Variants in IFT27 observed in about 807,000 individuals in gnomAD.
IFT27 encodes intraflagellar transport 27, also known as intraflagellar transport protein 27 homolog.
In IFT27, 19 loss-of-function variants were observed where a neutral mutation model predicts 23.9. The ratio of observed to expected loss-of-function variants is 0.79; its 90% CI spans 0.55 to 1.16. The LOEUF (loss-of-function observed/expected upper bound fraction) is 1.16, where lower values mean the gene tolerates loss of function less well. IFT27 is among the 50% of genes most tolerant of loss of function. The probability of loss-of-function intolerance (pLI) is 0.00; values close to 1 mark genes in which losing one functional copy is unlikely to be tolerated. For missense variants in IFT27, 206 were observed against 228.7 expected (o/e 0.90, Z 0.64); for synonymous variants, 91 against 89.1 (o/e 1.02, Z -0.12).
chr22:36,773,359 C>CAA (rs200264786), intron 1 of IFT27, among the ~76,000 whole-genome samples: 19 of 135,980 alleles, frequency 1.4e-4, no homozygotes, highest in African/African-American at 5.2e-4. Flanking sequence ...AATTACGCCT[C>CAA]AAAAAAAAAG....
chr22:36,768,747 A>G (rs1360436894), intron 1 of IFT27, among the ~76,000 whole-genome samples: 2 of 151,990 alleles, frequency 1.3e-5, no homozygotes, highest in Admixed American at 1.3e-4. Context: ...TTTCCCTCTC[A>G]TGGCTCTGCT....
chr22:36,771,858 A>C (rs1316164725), intron 1 of IFT27, among the ~76,000 whole-genome samples: 1 of 152,088 alleles, frequency 6.6e-6, no homozygotes, highest in Non-Finnish European at 1.5e-5. Context: ...CCCATGACAC[A>C]GTGCCTCCAT....
At chr22:36,773,078 G>A (rs866271343) in intron 1 of IFT27, among the ~76,000 whole-genome samples, 4 of 152,338 alleles carry the variant, frequency 2.6e-5, no homozygotes, top group Admixed American at 6.5e-5. Flanking sequence ...CAAAGAGGCC[G>A]GGCATAGTGG....
intron 1 of IFT27, chr22:36,772,600 T>C: frequency 2.0e-6 from 2 of 985,436 alleles, no homozygotes; most frequent in Non-Finnish European, 2.4e-6. Flanking sequence ...ATTCACTTTG[T>C]GTTCGCTGTG....
chr22:36,775,222 C>A (rs16997300), intron 1 of IFT27, among the ~76,000 whole-genome samples: 1 of 150,110 alleles, frequency 6.7e-6, no homozygotes, highest in African/African-American at 2.5e-5. Flanking sequence ...CTGGTCACTA[C>A]ACTCAGGTCA....
chr22:36,762,660 T>C (rs1214122388), intron 6 of IFT27: 1 of 373,914 alleles, frequency 2.7e-6, no homozygotes, highest in East Asian at 4.0e-5. Flanking sequence ...CACAAAGCAC[T>C]TGTATTTCTT....
chr22:36,767,257 G>A lies in IFT27; in HGVS notation c.174+49C>T, dbSNP rs753987674. 9 of 1,499,692 alleles carry A rather than the reference G, an allele frequency of 6.0e-6. No individual in the cohort carries two copies. The African/African-American group carries it at 1.2e-4, about 21-fold the overall frequency. The allele number at this position is 1,499,692 out of a possible 1,614,324, so 92.9% of individuals were successfully genotyped here. Reference sequence around the variant, plus strand: ...GGATGGTGTGACCACAGAGACCCTGGGCCCAGCTGGGGGAGCCCTGAGTTC... The same window carrying A: ...GGATGGTGTGACCACAGAGACCCTGAGCCCAGCTGGGGGAGCCCTGAGTTC... On this transcript the variant is annotated intron_variant, in intron 3 of 6. Coordinates refer to ENST00000433985, the MANE Select transcript of IFT27 (RefSeq NM_001177701.3).
chr22:36,762,860 A>G (rs768173725), intron 6 of IFT27, 44 bp downstream of exon 6: 2 of 1,302,378 alleles, frequency 1.5e-6, no homozygotes. Flanking sequence ...CTGCCAGCAG[A>G]GGCCCACTCC....
Position 36,767,379 on chromosome 22 carries a change from C to A in IFT27, c.115-14G>T, listed in dbSNP as rs995731703. The A allele has an allele frequency of 5.6e-6, 9 of 1,609,612 alleles. No individual in the cohort carries two copies. The highest frequency in any genetic ancestry group is 7.6e-6 in the Non-Finnish European group (9 of 1,177,528). On this transcript the variant is annotated splice_polypyrimidine_tract_variant and intron_variant, in intron 2 of 6. Coordinates refer to ENST00000433985, the MANE Select transcript of IFT27 (RefSeq NM_001177701.3). ...CATTCCTGTTGTCTGCCGAGGAACA[C>A]CAAGAATGTTAGCACTGAGGGCCCC... is the stretch of plus-strand genomic sequence containing the variant.
chr22:36,774,491 C>A (rs1938453897), intron 1 of IFT27, among the ~76,000 whole-genome samples: 1 of 152,146 alleles, frequency 6.6e-6, no homozygotes. Flanking sequence ...TGACATCTCT[C>A]AGTGCCTCAG....
intron 2 of IFT27, 145 bp from the exon 3 acceptor site, chr22:36,767,510 A>G (rs1419107237): frequency 1.4e-6 from 1 of 733,332 alleles, no homozygotes; most frequent in Non-Finnish European, 2.3e-6. Flanking sequence ...GAAGCAGCTC[A>G]GCATGCAGAA....
intron 6 of IFT27, chr22:36,761,947 G>T (rs1938101387): frequency 6.6e-6 from 1 of 152,254 alleles, no homozygotes; most frequent in Admixed American, 6.5e-5. Context: ...ACAGAATCAG[G>T]TCTAAAGGCC....
Position 36,758,380 on chromosome 22 carries a change from G to A in IFT27, c.492C>T (p.Phe164=), listed in dbSNP as rs766794230. 6 of 1,614,034 alleles carry A rather than the reference G, an allele frequency of 3.7e-6. No individual in the cohort carries two copies. Among genetic ancestry groups the A allele is most frequent in the Non-Finnish European group, 4.2e-6 (5 of 1,180,030 alleles). Residue 164 remains phenylalanine (F), a synonymous_variant, in exon 7 of 7, where the codon TTC becomes TTT. Coordinates refer to ENST00000433985, the MANE Select transcript of IFT27 (RefSeq NM_001177701.3). ...GGTGGAACTGCTTGGCAAGGCAGTG[G>A]AAAGGGGCTTCGAAGTTTTCCATCT... The part of the protein sequence containing the change: ...VKEMENFEAP[F]HCLAKQFHQL...
intron 3 of IFT27, 137 bp from the exon 4 acceptor site, chr22:36,766,334 T>C: frequency 1.4e-6 from 1 of 713,154 alleles, no homozygotes; most frequent in East Asian, 2.7e-5. Flanking sequence ...TGCTCTGTCT[T>C]TTCTCCCAGG....
At chr22:36,772,048 C>A (rs1938396746) in intron 1 of IFT27, among the ~76,000 whole-genome samples, 1 of 152,190 alleles carries the variant, frequency 6.6e-6, no homozygotes, top group Non-Finnish European at 1.5e-5. Context: ...TCCAGGTACC[C>A]CTAGACCAAA....
chr22:36,769,388 T>C (rs1311166920), intron 1 of IFT27, among the ~76,000 whole-genome samples: 1 of 152,194 alleles, frequency 6.6e-6, no homozygotes, highest in Non-Finnish European at 1.5e-5. Context: ...AGATGGAGTC[T>C]CTGTCACGCA....
chr22:36,769,024 G>C (rs989638462), intron 1 of IFT27, among the ~76,000 whole-genome samples: 5 of 152,130 alleles, frequency 3.3e-5, no homozygotes, highest in African/African-American at 1.2e-4. Context: ...TCACTTTTCA[G>C]TTTTGACTTT....
chr22:36,767,057 C>T, intron 3 of IFT27: 1 of 342,072 alleles, frequency 2.9e-6, no homozygotes, highest in Non-Finnish European at 5.4e-6. Context: ...CATAAAGAGA[C>T]TCAAGAACCT....
In IFT27 at chr22:36,776,010, A is replaced by T; in HGVS notation, c.-303T>A. 1.9e-6 allele frequency: 1 copy of T among 524,812 alleles called. No individual in the cohort carries two copies. The highest frequency in any genetic ancestry group is 3.5e-6 in the Non-Finnish European group (1 of 289,144). 32.5% of individuals were successfully genotyped at this position (524,812 alleles called of 1,614,324 possible). ...CGGACACGGCCTGTGCTCCCCGCCCAGCCCCTCAGCACAGCCCTACCCAGA... is the reference window on the plus strand; with the variant it reads ...CGGACACGGCCTGTGCTCCCCGCCCTGCCCCTCAGCACAGCCCTACCCAGA... On this transcript the variant is annotated 5_prime_UTR_variant, in exon 1 of 7. Transcript: ENST00000433985.
Sources: gnomAD v4.1 joint callset for allele counts (sites outside exome capture counted in the v4.1 genomes callset) on GRCh38, gnomAD v4.1.1 for gene constraint, MANE v1.5 for transcripts, NCBI Gene and HGNC (gene_info 2026-07-23, HGNC 2026-07-21) for gene names.